Variants in TASP1 observed in about 807,000 individuals in gnomAD.
TASP1 encodes threonine aspartase 1.
TASP1 carries 16 observed loss-of-function variants against 56.6 expected under a neutral mutation model. That is an observed-to-expected ratio of 0.28 (90% CI 0.19 to 0.43). The LOEUF is 0.43. TASP1 is among the 20% of genes least tolerant of loss of function. The probability of loss-of-function intolerance (pLI) is 1.00; values close to 1 mark genes in which losing one functional copy is unlikely to be tolerated. For synonymous variants in TASP1, 179 were observed against 184.2 expected, an observed-to-expected ratio of 0.97 and a Z score of 0.23; for missense variants, 393 against 511.6, an observed-to-expected ratio of 0.77 and a Z score of 2.24.
intron 11 of TASP1, among the ~76,000 whole-genome samples, chr20:13,479,281 A>C (rs1194306679): frequency 6.6e-6 from 1 of 152,150 alleles, no homozygotes; most frequent in African/African-American, 2.4e-5. Flanking sequence ...TTTAAAAAGA[A>C]AAAACAAAGG....
intron 4 of TASP1, among the ~76,000 whole-genome samples, chr20:13,606,982 A>T (rs2048184709): frequency 6.6e-6 from 1 of 152,196 alleles, no homozygotes; most frequent in South Asian, 2.1e-4. Context: ...CCCTTAAGCA[A>T]GCTGATACTT....
At chr20:13,463,086 T>C (rs886504261) in intron 11 of TASP1, among the ~76,000 whole-genome samples, 2 of 151,964 alleles carry the variant, frequency 1.3e-5, no homozygotes, top group African/African-American at 4.8e-5. Flanking sequence ...AAGAACAAAA[T>C]TGGAGGCTTC....
At chr20:13,452,167 T>C (rs1004214594) in intron 11 of TASP1, among the ~76,000 whole-genome samples, 2 of 152,084 alleles carry the variant, frequency 1.3e-5, no homozygotes, top group Non-Finnish European at 2.9e-5. Context: ...AAGCTTGAGA[T>C]ATTGCAAGAA....
intron 8 of TASP1, among the ~76,000 whole-genome samples, chr20:13,536,064 T>C (rs1012242): frequency 0.61 from 92,004 of 152,062 alleles, 28,666 homozygotes; most frequent in Non-Finnish European, 0.68. Flanking sequence ...TTTGCAATCT[T>C]GGGTAGAGAA....
chr20:13,149,273 G>A, the TASP1 span, among the ~76,000 whole-genome samples: 3 of 152,208 alleles, frequency 2.0e-5, no homozygotes, highest in Non-Finnish European at 2.9e-5. Context: ...GGATGTGGCC[G>A]CAGTGCCCAA....
At chr20:13,117,449 G>C in the TASP1 span, 2 of 1,475,840 alleles carry the variant, frequency 1.4e-6, no homozygotes, top group Non-Finnish European at 1.8e-6. Flanking sequence ...TGGGGAAACT[G>C]ACAGAGCTTC....
chr20:13,406,057 G>C (rs891337030), intron 13 of TASP1, among the ~76,000 whole-genome samples: 1 of 152,162 alleles, frequency 6.6e-6, no homozygotes, highest in Non-Finnish European at 1.5e-5. Flanking sequence ...TTCTGTGGAG[G>C]AACACTGCCT....
chr20:13,548,275 G>T (rs2045873869), intron 8 of TASP1, among the ~76,000 whole-genome samples: 1 of 152,066 alleles, frequency 6.6e-6, no homozygotes. Flanking sequence ...AGAAATGACT[G>T]AAAGGGCAGG....
the TASP1 span, among the ~76,000 whole-genome samples, chr20:13,380,613 G>C: frequency 4.6e-5 from 7 of 152,280 alleles, no homozygotes; most frequent in African/African-American, 1.2e-4. Flanking sequence ...TGTGCTGGGG[G>C]ATCCACTGTT....
chr20:13,338,851 A>T, the TASP1 span, among the ~76,000 whole-genome samples: 3 of 152,320 alleles, frequency 2.0e-5, no homozygotes, highest in African/African-American at 7.2e-5. Flanking sequence ...GGTCTTACAG[A>T]GTAAGCAATT....
the TASP1 span, among the ~76,000 whole-genome samples, chr20:13,336,220 G>A: frequency 9.2e-5 from 14 of 152,286 alleles, no homozygotes; most frequent in Non-Finnish European, 1.5e-4. Context: ...ATAGGGCCCC[G>A]CATTCAGAAG....
At chr20:13,503,690 C>CA (rs1010195059) in intron 10 of TASP1, among the ~76,000 whole-genome samples, 2 of 150,998 alleles carry the variant, frequency 1.3e-5, no homozygotes, top group Non-Finnish European at 2.9e-5. Context: ...CAGCAAGCTA[C>CA]AAAAAATATA....
chr20:13,620,114 G>A (rs1334231518), intron 4 of TASP1, among the ~76,000 whole-genome samples: 2 of 152,004 alleles, frequency 1.3e-5, no homozygotes, highest in African/African-American at 4.8e-5. Context: ...CTGGTGTCCA[G>A]AAGTGACAGT....
the TASP1 span, among the ~76,000 whole-genome samples, chr20:13,208,629 C>A: frequency 1.3e-5 from 2 of 152,200 alleles, no homozygotes; most frequent in Admixed American, 6.5e-5. Context: ...TGACATCCTA[C>A]AACATCTGAG....
chr20:13,155,655 T>A, the TASP1 span, among the ~76,000 whole-genome samples: 1 of 151,942 alleles, frequency 6.6e-6, no homozygotes, highest in Non-Finnish European at 1.5e-5. Flanking sequence ...TGAAACCCCG[T>A]GTCTACAAAA....
the TASP1 span, among the ~76,000 whole-genome samples, chr20:13,251,663 G>A: frequency 6.6e-6 from 1 of 152,224 alleles, no homozygotes. Context: ...CCTTTGGTCA[G>A]AGAGCAAGCA....
At chr20:13,174,696 CACGAA>C in the TASP1 span, among the ~76,000 whole-genome samples, 1 of 132,796 alleles carries the variant, frequency 7.5e-6, no homozygotes, top group African/African-American at 2.7e-5. Flanking sequence ...GAAACCTTGT[CACGAA>C]AAAAAAAAAA....
the TASP1 span, among the ~76,000 whole-genome samples, chr20:13,185,719 T>C: frequency 6.6e-6 from 1 of 152,162 alleles, no homozygotes; most frequent in East Asian, 1.9e-4. Flanking sequence ...CATTACCTTC[T>C]CATAGATTAT....
the TASP1 span, among the ~76,000 whole-genome samples, chr20:13,381,238 T>C: frequency 2.7e-4 from 41 of 152,324 alleles, no homozygotes; most frequent in Middle Eastern, 3.4e-3. Flanking sequence ...GGTCTGTGGG[T>C]TGCGAAGACT....
Sources: gnomAD v4.1 joint callset for allele counts (sites outside exome capture counted in the v4.1 genomes callset) on GRCh38, gnomAD v4.1.1 for gene constraint, MANE v1.5 for transcripts, NCBI Gene and HGNC (gene_info 2026-07-23, HGNC 2026-07-21) for gene names.